Variants in SRP19 observed in about 807,000 individuals in gnomAD.
SRP19 encodes the protein signal recognition particle 19 kDa protein.
Under a neutral mutation model 22.4 loss-of-function variants are expected in SRP19, and 11 were observed. The ratio of observed to expected loss-of-function variants is 0.49; its 90% CI spans 0.31 to 0.81. The LOEUF is 0.81. Among genes scored for constraint, SRP19 ranks in the 40% least tolerant of loss-of-function variants. The pLI is 0.05. For synonymous variants in SRP19, 61 were observed against 57.6 expected, an observed-to-expected ratio of 1.06 and a Z score of -0.27; for missense variants, 168 against 175.9, an observed-to-expected ratio of 0.96 and a Z score of 0.25.
chr5:112,879,326 G>GT (rs1767995178), intron 4 of SRP19, among the ~76,000 whole-genome samples: 1 of 236 alleles, frequency 4.2e-3, no homozygotes, highest in Non-Finnish European at 5.9e-3. Context: ...ATATGTGTTT[G>GT]GGGGGGGGGG....
downstream of SRP19, among the ~76,000 whole-genome samples, chr5:112,870,088 G>T (rs1767724366): frequency 6.6e-6 from 1 of 152,124 alleles, no homozygotes; most frequent in Non-Finnish European, 1.5e-5. Flanking sequence ...CACCTGTTTT[G>T]GGACCAAGGT....
intron 4 of SRP19, among the ~76,000 whole-genome samples, chr5:112,881,792 G>T (rs537657788): frequency 6.6e-6 from 1 of 151,986 alleles, no homozygotes; most frequent in African/African-American, 2.4e-5. Context: ...TAGAGACAGG[G>T]TCTCACTCTG....
rs780298365 is a variant in SRP19 at position 112,892,854 on chromosome 5, T to C, written c.*1247T>C. 6.8e-6 allele frequency: 11 copies of C among 1,607,542 alleles called. No individual in the cohort carries two copies. The East Asian group carries it at 2.5e-4, about 36-fold the overall frequency. On this transcript the variant is annotated 3_prime_UTR_variant, in exon 5 of 5. Coordinates refer to the SRP19 transcript ENST00000391338. ...ATGGGGAATCCGAGAGAAAAAAGAG[T>C]AGTCATAGGGGGAAGAAATCTCACA...
chr5:112,887,904 A>C (rs712664), intron 4 of SRP19, among the ~76,000 whole-genome samples: 53,498 of 151,866 alleles, frequency 0.35, 9,641 homozygotes, highest in African/African-American at 0.44. Context: ...TCGTCACTTC[A>C]AGTCATCCAT....
downstream of SRP19, among the ~76,000 whole-genome samples, chr5:112,871,573 A>G (rs552314120): frequency 2.5e-4 from 38 of 152,228 alleles, no homozygotes; most frequent in African/African-American, 8.7e-4. Flanking sequence ...CCTGGCCAAC[A>G]TGGTGAAACC....
downstream of SRP19, chr5:112,895,504 CCA>C (rs1768655138): frequency 7.9e-6 from 1 of 127,254 alleles, no homozygotes; most frequent in Admixed American, 7.6e-5. Context: ...AATTAAGTGT[CCA>C]CAGTTTTGTA....
At chr5:112,884,944 A>C (rs184543292) in intron 4 of SRP19, 10 of 152,200 alleles carry the variant, frequency 6.6e-5, no homozygotes, top group African/African-American at 2.4e-4. Flanking sequence ...TGTTATGAAC[A>C]TGCTTGGCAC....
chr5:112,876,273 G>C (rs1228047328), intron 4 of SRP19: 6 of 152,160 alleles, frequency 3.9e-5, no homozygotes, highest in African/African-American at 9.7e-5. Context: ...GTGAGGAATA[G>C]AGTTAATAAA....
At chr5:112,882,891 A>G (rs905491852) in intron 4 of SRP19, among the ~76,000 whole-genome samples, 7 of 152,188 alleles carry the variant, frequency 4.6e-5, no homozygotes, top group African/African-American at 1.4e-4. Flanking sequence ...AAACAATTAG[A>G]AAGTCACTTC....
At chr5:112,892,012 GAA>G (rs1768474728) in exon 5 of SRP19, 2 of 1,306,576 alleles carry the variant, frequency 1.5e-6, no homozygotes, top group African/African-American at 2.9e-5. Flanking sequence ...GAAAGAGAGA[GAA>G]GAGGAGGAGC....
intron 4 of SRP19, chr5:112,878,913 A>C: frequency 1.2e-6 from 2 of 1,607,444 alleles, no homozygotes; most frequent in Non-Finnish European, 1.7e-6. Flanking sequence ...CTTTGTGCCT[A>C]ATGTAGCTAC....
chr5:112,887,021 T>C (rs758875765), intron 4 of SRP19: 2 of 1,601,714 alleles, frequency 1.2e-6, no homozygotes, highest in East Asian at 4.5e-5. Context: ...TTACCTTCTT[T>C]AGTGATGGCA....
chr5:112,892,839 C>CGA, exon 5 of SRP19: 2 of 1,613,050 alleles, frequency 1.2e-6, no homozygotes, highest in East Asian at 4.5e-5. Flanking sequence ...ATGGGGAATC[C>CGA]GAGAGAAAAA....
At position 112,888,897 on chromosome 5, in the gene SRP19, A is replaced by T. The variant is rs1252468488; in HGVS notation, c.302-2706A>T. Among the ~76,000 whole-genome samples the T allele has an allele frequency of 1.3e-5, 2 of 150,772 alleles. 1 individual carries two copies. Among genetic ancestry groups the T allele is most frequent in the African/African-American group, 4.9e-5 (2 of 40,494 alleles). The stretch of plus-strand genomic sequence containing the variant: ...CTCCCATAATTCTCATGTGTTGTGG[A>T]AAGGACAGGGTGAGAGATAACTGAA... On this transcript the variant is annotated intron_variant, in intron 4 of 4. Transcript: ENST00000391338.
intron 4 of SRP19, among the ~76,000 whole-genome samples, chr5:112,884,779 GCCCCC>G (rs35461707): frequency 6.8e-6 from 1 of 147,816 alleles, no homozygotes; most frequent in Admixed American, 6.8e-5. Flanking sequence ...CCAGTCCTTG[GCCCCC>G]CCCCATCTTT....
downstream of SRP19, chr5:112,893,366 T>G (rs1768562623): frequency 4.8e-6 from 1 of 210,494 alleles, no homozygotes; most frequent in Non-Finnish European, 9.6e-6. Flanking sequence ...GTCGACATCA[T>G]GCCACTTCAC....
intron 4 of SRP19, chr5:112,891,539 A>C: frequency 6.7e-7 from 1 of 1,485,840 alleles, no homozygotes; most frequent in Non-Finnish European, 9.1e-7. Flanking sequence ...AAAACATAAA[A>C]TATTCATAAG....
At chr5:112,887,926 CTTT>C (rs879602180) in intron 4 of SRP19, among the ~76,000 whole-genome samples, 3 of 152,176 alleles carry the variant, frequency 2.0e-5, no homozygotes, top group Non-Finnish European at 4.4e-5. Flanking sequence ...CAATTTACTC[CTTT>C]TTAAGATAAA....
At chr5:112,891,949 T>C (rs781103889) in exon 5 of SRP19, 8 of 1,247,444 alleles carry the variant, frequency 6.4e-6, no homozygotes, top group Non-Finnish European at 2.4e-6. Context: ...GGCTAAAAAA[T>C]GGCTAGAAGA....
Sources: allele counts gnomAD v4.1 joint callset (sites outside exome capture counted in the v4.1 genomes callset), GRCh38; gene constraint gnomAD v4.1.1; transcripts MANE v1.5; gene names NCBI Gene and HGNC (gene_info 2026-07-23, HGNC 2026-07-21).